CCNH: variants seen among roughly 807,000 people sequenced by gnomAD.
CCNH encodes cyclin H.
A neutral mutation model predicts 41.9 loss-of-function variants in CCNH; 31 were observed. The ratio of observed to expected loss-of-function variants is 0.74; its 90% CI spans 0.56 to 1.00. The LOEUF is 1.00. Ranked by LOEUF, CCNH falls within the 50% of genes least tolerant of loss-of-function variation. The pLI, the probability that CCNH is intolerant of heterozygous loss-of-function variation, is 0.00. For synonymous variants in CCNH, 138 were observed against 136.1 expected, an observed-to-expected ratio of 1.01 and a Z score of -0.10; for missense variants, 362 against 388.4, an observed-to-expected ratio of 0.93 and a Z score of 0.57.
intron 2 of CCNH, among the ~76,000 whole-genome samples, chr5:87,410,273 TTTC>T (rs1371792988): frequency 6.6e-6 from 1 of 152,224 alleles, no homozygotes; most frequent in Non-Finnish European, 1.5e-5. Flanking sequence ...TAAAGGATTT[TTTC>T]TTCATTTGAT....
Position 87,399,437 on chromosome 5 carries a change from A to C in CCNH, c.829T>G (p.Leu277Val), listed in dbSNP as rs771746887. 6.2e-6 allele frequency: 10 copies of C among 1,613,750 alleles called. No homozygotes were observed. The East Asian group carries it at 2.0e-4, about 32-fold the overall frequency. Residue 277 changes from leucine to valine, a missense_variant, in exon 7 of 9, where the codon TTG (leucine) becomes GTG (valine). Leu to Val is a conservative substitution (Grantham distance 32, BLOSUM62 1). Coordinates refer to ENST00000256897, the MANE Select transcript of CCNH (RefSeq NM_001239.4). Reference sequence around the variant, plus strand: ...AGCTCAGCAGAATGACATCGCTCCAACTTCTGTTTCAGAACAGCAACTTCT... The same window carrying C: ...AGCTCAGCAGAATGACATCGCTCCACCTTCTGTTTCAGAACAGCAACTTCT... ...SEEVAVLKQK[L>V]ERCHSAELAL...
At chr5:87,346,787 C>A in intron 9 of CCNH, 2 of 1,277,660 alleles carry the variant, frequency 1.6e-6, no homozygotes, top group South Asian at 1.2e-5. Context: ...GTGAACAAAC[C>A]ATTTATCATG....
intron 6 of CCNH, 23 bp downstream of exon 6, chr5:87,401,679 G>A (rs748711308): frequency 1.1e-5 from 16 of 1,435,406 alleles, no homozygotes; most frequent in Admixed American, 6.0e-5. Flanking sequence ...GAAACATTTT[G>A]TAAAGTGTTC....
intron 6 of CCNH, among the ~76,000 whole-genome samples, chr5:87,399,768 T>G (rs1763258116): frequency 6.6e-6 from 1 of 152,188 alleles, no homozygotes; most frequent in African/African-American, 2.4e-5. Flanking sequence ...CATTAATTTT[T>G]GGCAAATCCT....
chr5:87,372,126 G>A (rs2112480036), downstream of CCNH: 1 of 1,613,410 alleles, frequency 6.2e-7, no homozygotes, highest in Non-Finnish European at 8.5e-7. Context: ...AGGATTGGAT[G>A]AAAGGTCTGC....
upstream of CCNH, among the ~76,000 whole-genome samples, chr5:87,381,459 A>G (rs563193285): frequency 3.0e-4 from 46 of 152,348 alleles, no homozygotes; most frequent in African/African-American, 1.1e-3. Flanking sequence ...TTTAGAATAT[A>G]CACTGTCATG....
At chr5:87,373,555 G>A (rs1189367192), downstream of CCNH, among the ~76,000 whole-genome samples, 1 of 152,020 alleles carries the variant, frequency 6.6e-6, no homozygotes, top group Non-Finnish European at 1.5e-5. Context: ...AGGCTTAGAG[G>A]GACGGATTTG....
At position 87,412,929 on chromosome 5, in the gene CCNH, C is replaced by T; in HGVS notation, c.-135G>A. 1 of 1,461,510 alleles carries T rather than the reference C, an allele frequency of 6.8e-7. No homozygotes were observed. The highest frequency in any genetic ancestry group is 9.0e-7 in the Non-Finnish European group (1 of 1,105,598). The allele number at this position is 1,461,510 out of a possible 1,614,324, so 90.5% of individuals were successfully genotyped here. On this transcript the variant is annotated 5_prime_UTR_variant, in exon 1 of 9. Coordinates refer to ENST00000256897, the MANE Select transcript of CCNH (RefSeq NM_001239.4). ...CGTCCGGCTAGCCGGCGCTGGCGCG[C>T]TGTCGTCACGATTACGCGGCCAGCC...
intron 9 of CCNH, among the ~76,000 whole-genome samples, chr5:87,368,456 C>T (rs951245976): frequency 6.6e-6 from 1 of 152,090 alleles, no homozygotes; most frequent in African/African-American, 2.4e-5. Flanking sequence ...GCCATTTAAT[C>T]CTGATGCCTG....
chr5:87,316,588 C>T (rs1285135086), downstream of CCNH, among the ~76,000 whole-genome samples: 1 of 152,086 alleles, frequency 6.6e-6, no homozygotes, highest in East Asian at 1.9e-4. Flanking sequence ...TAGACCTGTC[C>T]CACAGAGACT....
intron 5 of CCNH, 24 bp from the exon 6 acceptor site, chr5:87,401,796 T>G (rs745571143): frequency 7.2e-7 from 1 of 1,397,466 alleles, no homozygotes. Flanking sequence ...GAAAAAAAAA[T>G]CTATTGAAAA....
intron 9 of CCNH, chr5:87,369,874 G>T: frequency 6.2e-7 from 1 of 1,611,302 alleles, no homozygotes; most frequent in South Asian, 1.1e-5. Context: ...CTTTTACTTT[G>T]CAGGAGAAAC....
intron 9 of CCNH, among the ~76,000 whole-genome samples, chr5:87,341,780 A>G (rs1758484727): frequency 6.6e-6 from 1 of 152,072 alleles, no homozygotes; most frequent in African/African-American, 2.4e-5. Context: ...TCTTTTGAAG[A>G]TCTGAACCAT....
chr5:87,371,483 T>C (rs572296777), downstream of CCNH, among the ~76,000 whole-genome samples: 86 of 152,168 alleles, frequency 5.7e-4, no homozygotes, highest in Non-Finnish European at 6.5e-4. Flanking sequence ...CTTAGTTCTC[T>C]CCTTTTCCCC....
chr5:87,407,947 A>T, intron 4 of CCNH, 29 bp downstream of exon 4: 1 of 1,440,910 alleles, frequency 6.9e-7, no homozygotes, highest in Non-Finnish European at 9.8e-7. Context: ...AGGAGAATGT[A>T]GTATTAGTTT....
chr5:87,388,667 T>A (rs146733912), downstream of CCNH, among the ~76,000 whole-genome samples: 1 of 152,216 alleles, frequency 6.6e-6, no homozygotes, highest in Non-Finnish European at 1.5e-5. Context: ...ACACTGATTA[T>A]TCCCACACAT....
rs925960367 is a variant in CCNH, at chr5:87,358,468, TTATATC to T, written c.*90+34296_*90+34301del. On this transcript the variant is annotated intron_variant and NMD_transcript_variant, in intron 9 of 9. Coordinates refer to the CCNH transcript ENST00000645953. ...TCTTCTCTTTTTTTCTTCCTGTACT[TTATATC>T]TAACCTGTCAGGAAGATCATACTGA... is the stretch of plus-strand genomic sequence containing the variant. 1.9e-4 allele frequency among the ~76,000 whole-genome samples: 29 copies of T among 152,288 alleles called. 1 individual carries two copies. Among genetic ancestry groups the T allele is most frequent in the African/African-American group, 6.0e-4 (25 of 41,570 alleles).
At chr5:87,318,814 C>T (rs565301645) in exon 10 of CCNH, 1 of 152,332 alleles carries the variant, frequency 6.6e-6, no homozygotes, top group Non-Finnish European at 1.5e-5. Context: ...CCCAACAGTC[C>T]CCCAAAGTCT....
chr5:87,373,582 TAGTATATGGCAAGAGAGAAAG>T, downstream of CCNH, among the ~76,000 whole-genome samples: 1 of 152,198 alleles, frequency 6.6e-6, no homozygotes, highest in Admixed American at 6.6e-5. Flanking sequence ...GCCACACAAG[TAGTATATGGCAAGAGAGAAAG>T]AGAACCTGAT....
Sources: gnomAD v4.1 joint callset for allele counts (sites outside exome capture counted in the v4.1 genomes callset) on GRCh38, gnomAD v4.1.1 for gene constraint, MANE v1.5 for transcripts, NCBI Gene and HGNC (gene_info 2026-07-23, HGNC 2026-07-21) for gene names.